CUL3: variants seen among roughly 807,000 people sequenced by gnomAD.
The protein encoded by CUL3 is cullin 3.
CUL3 carries 19 observed loss-of-function variants against 89.1 expected under a neutral mutation model. That is an observed-to-expected ratio of 0.21 (90% CI 0.15 to 0.31). CUL3 has a LOEUF of 0.31. CUL3 is among the 10% of genes least tolerant of loss of function. CUL3 has a pLI of 1.00. For missense variants in CUL3, 469 were observed against 942.3 expected, an observed-to-expected ratio of 0.50 and a Z score of 6.58; for synonymous variants, 351 against 308.4, an observed-to-expected ratio of 1.14 and a Z score of -1.45.
chr2:224,570,862 T>C (rs1477248241), intron 1 of CUL3, among the ~76,000 whole-genome samples: 3 of 152,206 alleles, frequency 2.0e-5, no homozygotes, highest in Admixed American at 1.3e-4. Context: ...AATTTGAGAA[T>C]GTGGGAAATG....
chr2:224,519,726 T>C (rs1389618007), intron 3 of CUL3, among the ~76,000 whole-genome samples: 1 of 152,204 alleles, frequency 6.6e-6, no homozygotes, highest in Non-Finnish European at 1.5e-5. Flanking sequence ...CCTTGAGTAT[T>C]TGTGTGCATA....
At chr2:224,567,632 C>T (rs962023104) in intron 1 of CUL3, among the ~76,000 whole-genome samples, 3 of 151,716 alleles carry the variant, frequency 2.0e-5, no homozygotes, top group African/African-American at 4.8e-5. Context: ...CCCAGCTACT[C>T]GGGAGGCTGA....
rs1166808441 is a variant in CUL3, at chr2:224,571,950, G to A, written c.66+12994C>T. On this transcript the variant is annotated intron_variant, in intron 1 of 15. Transcript: ENST00000264414. ...TCACAAAGAAGAAACTAAGGCTAAG[G>A]AAGCTTATCCAAGATCACACAGAGC... Among the ~76,000 whole-genome samples the A allele has an allele frequency of 2.6e-5, 4 of 152,306 alleles. No individual in the cohort carries two copies. The East Asian group carries it at 7.7e-4, about 29-fold the overall frequency.
chr2:224,520,426 TG>T (rs1371422865), intron 3 of CUL3, among the ~76,000 whole-genome samples: 1 of 152,230 alleles, frequency 6.6e-6, no homozygotes, highest in African/African-American at 2.4e-5. Flanking sequence ...CAACTTCATT[TG>T]TAACATAAGC....
At chr2:224,488,301 T>G (rs1395074033) in intron 13 of CUL3, among the ~76,000 whole-genome samples, 1 of 148,570 alleles carries the variant, frequency 6.7e-6, no homozygotes, top group Admixed American at 6.7e-5. Flanking sequence ...AACAGAAAAC[T>G]CTTCAAAAAA....
intron 3 of CUL3, among the ~76,000 whole-genome samples, chr2:224,531,139 G>A (rs565885175): frequency 6.8e-6 from 1 of 146,890 alleles, no homozygotes; most frequent in Non-Finnish European, 1.5e-5. Flanking sequence ...CCAGGCTAGA[G>A]TGCAGTGGCA....
At chr2:224,526,565 G>A (rs1404143866) in intron 3 of CUL3, among the ~76,000 whole-genome samples, 6 of 121,626 alleles carry the variant, frequency 4.9e-5, no homozygotes, top group African/African-American at 6.4e-5. Context: ...CAGCCTGGGC[G>A]ACAGAGGGAG....
At chr2:224,526,389 C>T (rs1203903529) in intron 3 of CUL3, among the ~76,000 whole-genome samples, 1 of 151,790 alleles carries the variant, frequency 6.6e-6, no homozygotes, top group Non-Finnish European at 1.5e-5. Flanking sequence ...AGTTCGAGAC[C>T]AGTCTGGCCA....
At chr2:224,548,471 A>G (rs1368535255) in intron 2 of CUL3, among the ~76,000 whole-genome samples, 2 of 152,246 alleles carry the variant, frequency 1.3e-5, no homozygotes, top group African/African-American at 4.8e-5. Context: ...AGATAAGTTA[A>G]TTTTAAATGT....
intron 1 of CUL3, among the ~76,000 whole-genome samples, chr2:224,583,355 CTT>C (rs1695487677): frequency 6.6e-6 from 1 of 152,058 alleles, no homozygotes; most frequent in South Asian, 2.1e-4. Flanking sequence ...GAGCGAAACT[CTT>C]GTCTCAAAAA....
At chr2:224,580,788 C>G (rs970635845) in intron 1 of CUL3, among the ~76,000 whole-genome samples, 1 of 151,930 alleles carries the variant, frequency 6.6e-6, no homozygotes, top group Non-Finnish European at 1.5e-5. Context: ...AGTTCAATTA[C>G]CACTCTATTT....
chr2:224,519,050 T>C (rs1162163816), intron 3 of CUL3, among the ~76,000 whole-genome samples: 2 of 152,220 alleles, frequency 1.3e-5, no homozygotes, highest in Non-Finnish European at 1.5e-5. Flanking sequence ...TCAGAATACA[T>C]AGTTTGGAGC....
At chr2:224,583,793 T>C (rs1230703642) in intron 1 of CUL3, among the ~76,000 whole-genome samples, 2 of 152,162 alleles carry the variant, frequency 1.3e-5, no homozygotes, top group African/African-American at 4.8e-5. Flanking sequence ...GGCAATCACA[T>C]CAAGGTAAGT....
chr2:224,483,831 G>A (rs919717755), intron 13 of CUL3, among the ~76,000 whole-genome samples: 3 of 152,148 alleles, frequency 2.0e-5, no homozygotes, highest in South Asian at 2.1e-4. Flanking sequence ...CTGACTTTGA[G>A]CACGAAAGCC....
At chr2:224,533,477 GAAAA>G (rs1229611471) in intron 3 of CUL3, among the ~76,000 whole-genome samples, 2 of 151,592 alleles carry the variant, frequency 1.3e-5, no homozygotes, top group Non-Finnish European at 2.9e-5. Context: ...AAAAAAGAAA[GAAAA>G]AAAGGGAGGA....
rs1695545689 is a variant in CUL3 at position 224,584,982 on chromosome 2, T to C, written c.28A>G (p.Ser10Gly). 6.6e-7 allele frequency: 1 copy of C among 1,507,868 alleles called. No individual in the cohort carries two copies. Among genetic ancestry groups the C allele is most frequent in the African/African-American group, 1.4e-5 (1 of 69,138 alleles). The allele number at this position is 1,507,868 out of a possible 1,614,324, so 93.4% of individuals were successfully genotyped here. Residue 10 changes from serine to glycine, a missense_variant, in exon 1 of 16, where the codon AGC becomes GGC. Physicochemically the swap from Ser to Gly is moderately conservative, Grantham distance 56. Coordinates refer to ENST00000264414, the MANE Select transcript of CUL3 (RefSeq NM_003590.5). Reference protein sequence around the residue: MSNLSKGTGSRKDTKMRIRA... With the variant: MSNLSKGTGGRKDTKMRIRA... ...ATCCGCATCTTGGTGTCCTTCCGGC[T>C]GCCCGTGCCTTTGCTCAGATTCGAC...
chr2:224,530,507 T>C (rs756392394), intron 3 of CUL3, among the ~76,000 whole-genome samples: 24 of 152,182 alleles, frequency 1.6e-4, no homozygotes, highest in Non-Finnish European at 2.9e-4. Context: ...TAAAAGCATA[T>C]TTTATCTTAA....
chr2:224,535,151 T>C (rs1303546858), intron 3 of CUL3, among the ~76,000 whole-genome samples: 1 of 152,330 alleles, frequency 6.6e-6, no homozygotes, highest in Non-Finnish European at 1.5e-5. Flanking sequence ...TGAGACGTAC[T>C]ATAACTAAGT....
At chr2:224,498,835 T>G (rs1353766110) in intron 11 of CUL3, among the ~76,000 whole-genome samples, 1 of 152,174 alleles carries the variant, frequency 6.6e-6, no homozygotes, top group Non-Finnish European at 1.5e-5. Flanking sequence ...AAAGACAAAA[T>G]CTAGTTTTTA....
Sources: allele counts gnomAD v4.1 joint callset (sites outside exome capture counted in the v4.1 genomes callset), GRCh38; gene constraint gnomAD v4.1.1; transcripts MANE v1.5; gene names NCBI Gene and HGNC (gene_info 2026-07-23, HGNC 2026-07-21).